Variants in EYA2 observed in about 807,000 individuals in gnomAD.
EYA2 encodes EYA transcriptional coactivator and phosphatase 2.
Under a neutral mutation model 69.2 loss-of-function variants are expected in EYA2, and 31 were observed. That is an observed-to-expected ratio of 0.45 (90% CI 0.34 to 0.60). EYA2 has a LOEUF of 0.60. Ranked by LOEUF, EYA2 falls within the 20% of genes least tolerant of loss-of-function variation. The pLI is 0.02. For missense variants in EYA2, 622 were observed against 701.2 expected, an observed-to-expected ratio of 0.89 and a Z score of 1.28; for synonymous variants, 257 against 279.4, an observed-to-expected ratio of 0.92 and a Z score of 0.80.
intron 10 of EYA2, among the ~76,000 whole-genome samples, chr20:47,153,797 A>G (rs77713793): frequency 0.018 from 2,775 of 152,082 alleles, 84 homozygotes; most frequent in African/African-American, 0.062. Context: ...GGAATGGGAT[A>G]CTATTTGGGA....
At chr20:47,183,431 T>C (rs570160054) in intron 15 of EYA2, 40 bp downstream of exon 15, 3 of 1,587,252 alleles carry the variant, frequency 1.9e-6, no homozygotes, top group East Asian at 4.5e-5. Context: ...TCCTGCTCTT[T>C]CGAGCACCCC....
rs2031296079 is a variant in EYA2, at chr20:47,071,040, G to A, written c.416-1145G>A. Among the ~76,000 whole-genome samples, 3 of 151,222 alleles carry A rather than the reference G, an allele frequency of 2.0e-5. No homozygotes were observed. In the South Asian group the frequency reaches 6.3e-4, roughly 32 times the overall value. ...TTTTTTTTTTCCAAGATGGAGTCTT[G>A]CTCTGTCACCCAGAGCTGGAGTGCA... On this transcript the variant is annotated intron_variant, in intron 5 of 15. Coordinates refer to ENST00000327619, the MANE Select transcript of EYA2 (RefSeq NM_005244.5).
intron 4 of EYA2, among the ~76,000 whole-genome samples, chr20:47,008,832 A>C (rs1982887092): frequency 6.6e-6 from 1 of 152,174 alleles, no homozygotes; most frequent in Non-Finnish European, 1.5e-5. Flanking sequence ...GAGTAATACT[A>C]AGTCTACCCC....
At chr20:47,061,409 T>C (rs942930692) in intron 5 of EYA2, among the ~76,000 whole-genome samples, 2 of 152,046 alleles carry the variant, frequency 1.3e-5, no homozygotes, top group African/African-American at 4.8e-5. Flanking sequence ...CATGTGCCCG[T>C]AGTCCCAGCT....
intron 1 of EYA2, among the ~76,000 whole-genome samples, chr20:46,898,877 C>A (rs74990612): frequency 6.6e-6 from 1 of 152,182 alleles, no homozygotes; most frequent in African/African-American, 2.4e-5. Context: ...CTTATACATT[C>A]ATTTTTAGTG....
At chr20:47,063,386 CGTGTGCGTGT>C (rs1340789749) in intron 5 of EYA2, among the ~76,000 whole-genome samples, 7 of 93,566 alleles carry the variant, frequency 7.5e-5, no homozygotes, top group African/African-American at 1.1e-4. Flanking sequence ...TGTGTGTGTG[CGTGTGCGTGT>C]GTGTGTGTGT....
intron 5 of EYA2, among the ~76,000 whole-genome samples, chr20:47,026,188 A>T (rs1464645512): frequency 6.6e-6 from 1 of 152,236 alleles, no homozygotes; most frequent in Non-Finnish European, 1.5e-5. Flanking sequence ...CAGTGGGAAA[A>T]TATGAACTAT....
chr20:47,060,009 T>G (rs2030806323), intron 5 of EYA2, among the ~76,000 whole-genome samples: 1 of 152,202 alleles, frequency 6.6e-6, no homozygotes, highest in Admixed American at 6.5e-5. Flanking sequence ...TTTGGTTTTA[T>G]TTTTTGGTCC....
intron 1 of EYA2, among the ~76,000 whole-genome samples, chr20:46,895,784 C>T (rs1286254387): frequency 6.6e-6 from 1 of 152,168 alleles, no homozygotes; most frequent in African/African-American, 2.4e-5. Context: ...TTTATAAGCT[C>T]AAGGAATACT....
chr20:47,133,995 A>C lies in EYA2; in HGVS notation c.889-9064A>C, dbSNP rs539418852. Among the ~76,000 whole-genome samples the C allele has an allele frequency of 4.8e-4, 73 of 152,372 alleles. 1 individual carries two copies. The South Asian group carries it at 0.014, about 30-fold the overall frequency. ...TGGCCCAAGGGCTTGGAGCTCATGC[A>C]CCAGGAACTGGCCAAGGGCCAGCCC... On this transcript the variant is annotated intron_variant, in intron 9 of 15. Coordinates refer to ENST00000327619, the MANE Select transcript of EYA2 (RefSeq NM_005244.5).
At chr20:47,057,676 A>G (rs2030699566) in intron 5 of EYA2, among the ~76,000 whole-genome samples, 1 of 152,174 alleles carries the variant, frequency 6.6e-6, no homozygotes, top group South Asian at 2.1e-4. Context: ...TGCTATGGGG[A>G]AAGAAATTGT....
chr20:47,067,497 CCATTTACCCTGATTTGAT>C (rs34052794), intron 5 of EYA2, among the ~76,000 whole-genome samples: 23,791 of 151,928 alleles, frequency 0.16, 2,941 homozygotes, highest in African/African-American at 0.34. Context: ...GATGGATACC[CCATTTACCCTGATTTGAT>C]CATTACACAT....
At position 47,049,205 on chromosome 20, in the gene EYA2, A is replaced by T. The variant is rs555755367; in HGVS notation, c.416-22980A>T. 8.3e-4 allele frequency among the ~76,000 whole-genome samples: 127 copies of T among 152,240 alleles called. 1 individual carries two copies. Among genetic ancestry groups the T allele is most frequent in the African/African-American group, 2.7e-3 (112 of 41,526 alleles). ...GCAAAGATAGTACAGAGTTCCCTGA[A>T]GCCCTTCTCCCGCTTTCCCTAATGT... On this transcript the variant is annotated intron_variant, in intron 5 of 15. Coordinates refer to ENST00000327619, the MANE Select transcript of EYA2 (RefSeq NM_005244.5).
At chr20:47,129,738 C>T (rs369235102) in intron 9 of EYA2, among the ~76,000 whole-genome samples, 76 of 152,304 alleles carry the variant, frequency 5.0e-4, no homozygotes, top group African/African-American at 1.8e-3. Flanking sequence ...CCTCCCTCAC[C>T]GCCCCCCTCT....
chr20:47,089,600 G>A (rs1358916085), intron 8 of EYA2, among the ~76,000 whole-genome samples: 1 of 152,238 alleles, frequency 6.6e-6, no homozygotes, highest in African/African-American at 2.4e-5. Context: ...TCACCTGGGG[G>A]GTGGGGGATG....
intron 1 of EYA2, among the ~76,000 whole-genome samples, chr20:46,895,265 T>C (rs1983741910): frequency 6.6e-6 from 1 of 152,072 alleles, no homozygotes; most frequent in South Asian, 2.1e-4. Context: ...TGAAGTTTGC[T>C]CTCCCGCGCG....
chr20:47,122,570 T>C (rs1465999799), intron 9 of EYA2, among the ~76,000 whole-genome samples: 1 of 152,110 alleles, frequency 6.6e-6, no homozygotes, highest in Non-Finnish European at 1.5e-5. Flanking sequence ...AGTGCTGGGA[T>C]TACAGGCGTG....
At position 47,142,878 on chromosome 20, in the gene EYA2, C is replaced by T. The variant is rs73913821; in HGVS notation, c.889-181C>T. Among the ~76,000 whole-genome samples the T allele has an allele frequency of 3.9e-3, 598 of 151,504 alleles. 3 individuals carry two copies. Among genetic ancestry groups the T allele is most frequent in the African/African-American group, 0.014 (560 of 40,822 alleles). ...ATGGTGAAAACTGGAAGTGAGATCC[C>T]GGAAGCTGTACAACATGATTATCAC... On this transcript the variant is annotated intron_variant, in intron 9 of 15. Transcript: ENST00000327619.
chr20:47,011,868 G>A (rs7272546), intron 4 of EYA2, among the ~76,000 whole-genome samples: 3,379 of 152,312 alleles, frequency 0.022, 128 homozygotes, highest in African/African-American at 0.076. Flanking sequence ...TTGGAGAATT[G>A]TGTTAGTGTG....
Sources: gnomAD v4.1 joint callset for allele counts (sites outside exome capture counted in the v4.1 genomes callset) on GRCh38, gnomAD v4.1.1 for gene constraint, MANE v1.5 for transcripts, NCBI Gene and HGNC (gene_info 2026-07-23, HGNC 2026-07-21) for gene names.